The following SLC30A6 variants were observed in gnomAD, a reference collection of about 807,000 sequenced individuals.
SLC30A6 encodes zinc transporter 6.
A neutral mutation model predicts 63.0 loss-of-function variants in SLC30A6; 55 were observed. The ratio of observed to expected loss-of-function variants is 0.87; its 90% CI spans 0.70 to 1.09. The LOEUF (loss-of-function observed/expected upper bound fraction) is 1.09, where lower values mean the gene tolerates loss of function less well. SLC30A6 is among the 50% of genes least tolerant of loss of function. The probability of loss-of-function intolerance (pLI) is 0.00; values close to 1 mark genes in which losing one functional copy is unlikely to be tolerated. For missense variants in SLC30A6, 587 were observed against 549.2 expected (o/e 1.07, Z -0.69); for synonymous variants, 224 against 186.1 (o/e 1.20, Z -1.66).
chr2:32,217,975 C>T (rs192445143), intron 13 of SLC30A6, among the ~76,000 whole-genome samples: 1 of 152,154 alleles, frequency 6.6e-6, no homozygotes, highest in Admixed American at 6.5e-5. Context: ...AGCTGAGTAG[C>T]TGGCACTACA....
Position 32,220,509 on chromosome 2 carries a change from A to G in SLC30A6, c.1182A>G (p.Lys394=), listed in dbSNP as rs745457904. ...PPEFSFNTPG[K]NVNPVILLNT... is the part of the protein sequence containing the mutation. ...AATTTTCATTTAACACTCCTGGGAA[A>G]AATGTGAACCCAGTTATTCTTCTAA... Residue 394 remains lysine, a synonymous_variant, in exon 14 of 14, where the codon AAA becomes AAG. Transcript: ENST00000282587. 6.2e-7 allele frequency: 1 copy of G among 1,614,112 alleles called. No homozygotes were observed. The highest frequency in any genetic ancestry group is 1.3e-5 in the African/African-American group (1 of 74,934).
In SLC30A6 at chr2:32,220,420, A is replaced by G. The variant is rs1175247267; in HGVS notation, c.1093A>G (p.Lys365Glu). 3.7e-6 allele frequency: 6 copies of G among 1,614,212 alleles called. No individual in the cohort carries two copies. The highest frequency in any genetic ancestry group is 5.1e-6 in the Non-Finnish European group (6 of 1,180,024). ...DHHVIPMPLLKGTDDLNPVTS... is the reference protein window; with the variant it reads ...DHHVIPMPLLEGTDDLNPVTS... Reference sequence around the variant, plus strand: ...TCACGTAATCCCAATGCCTCTTTTAAAGGGTACTGATGATTTGAACCCAGT... The same window carrying G: ...TCACGTAATCCCAATGCCTCTTTTAGAGGGTACTGATGATTTGAACCCAGT... Residue 365 changes from lysine to glutamate, a missense_variant, in exon 14 of 14, where the codon AAG (lysine) becomes GAG (glutamate). Transcript: ENST00000282587.
rs147043090 is a variant in SLC30A6 at position 32,220,408 on chromosome 2, A to G, written c.1081A>G (p.Met361Val). The G allele has an allele frequency of 8.8e-5, 142 of 1,614,086 alleles. No homozygotes were observed. The Admixed American group carries it at 9.5e-4, about 11-fold the overall frequency. Reference sequence around the variant, plus strand: ...CTTTTCAGATCATCACGTAATCCCAATGCCTCTTTTAAAGGGTACTGATGA... The same window carrying G: ...CTTTTCAGATCATCACGTAATCCCAGTGCCTCTTTTAAAGGGTACTGATGA... Reference protein sequence around the residue: ...LNFSDHHVIPMPLLKGTDDLN... With the variant: ...LNFSDHHVIPVPLLKGTDDLN... Residue 361 changes from methionine (M) to valine (V), a missense_variant, in exon 14 of 14, where the codon ATG (methionine) becomes GTG (valine). By Grantham distance (21) the Met-to-Val change is conservative (BLOSUM62 1). Transcript: ENST00000282587.
intron 1 of SLC30A6, among the ~76,000 whole-genome samples, chr2:32,168,202 G>A (rs1024616490): frequency 2.6e-5 from 4 of 151,576 alleles, no homozygotes; most frequent in Non-Finnish European, 4.4e-5. Flanking sequence ...TACTTTCTTA[G>A]AAAATATAAA....
intron 13 of SLC30A6, among the ~76,000 whole-genome samples, chr2:32,211,316 T>C (rs1418427237): frequency 6.6e-6 from 1 of 152,248 alleles, no homozygotes; most frequent in East Asian, 1.9e-4. Context: ...AATTCTTGAA[T>C]GTTGAAAGCA....
chr2:32,171,394 A>T (rs929623459), intron 2 of SLC30A6, 21 bp downstream of exon 2: 3 of 1,571,216 alleles, frequency 1.9e-6, no homozygotes, highest in African/African-American at 2.7e-5. Context: ...CCTTAACCCC[A>T]ATTTTAATTA....
intron 5 of SLC30A6, among the ~76,000 whole-genome samples, chr2:32,191,984 T>C (rs772706740): frequency 6.6e-6 from 1 of 152,122 alleles, no homozygotes; most frequent in Non-Finnish European, 1.5e-5. Flanking sequence ...GTTATTATTA[T>C]GATTGTGATT....
chr2:32,174,334 T>C (rs760768530), intron 3 of SLC30A6, among the ~76,000 whole-genome samples, 187 bp downstream of exon 3: 2 of 151,450 alleles, frequency 1.3e-5, no homozygotes, highest in African/African-American at 2.4e-5. Context: ...AGGATTGTAA[T>C]TTTTTTTTAA....
chr2:32,193,375 G>T (rs144056581), intron 7 of SLC30A6, among the ~76,000 whole-genome samples: 5 of 152,018 alleles, frequency 3.3e-5, no homozygotes, highest in African/African-American at 1.2e-4. Context: ...AGGAGTTCAA[G>T]ACCAACCTGG....
chr2:32,173,430 G>C (rs2148803980), intron 2 of SLC30A6, among the ~76,000 whole-genome samples: 1 of 151,216 alleles, frequency 6.6e-6, no homozygotes, highest in Non-Finnish European at 1.5e-5. Context: ...CTGGAGTGCA[G>C]TGGCACAATC....
At chr2:32,205,659 C>CTTTTTTTTTTTTTTTTTTTTTTTT (rs1478767845) in intron 11 of SLC30A6, among the ~76,000 whole-genome samples, 1 of 97,702 alleles carries the variant, frequency 1.0e-5, no homozygotes, top group African/African-American at 3.9e-5. Flanking sequence ...AAGAATGTTA[C>CTTTTTTTTTTTTTTTTTTTTTTTT]TTCTTTTTTT....
Position 32,223,268 on chromosome 2 carries a change from A to T in SLC30A6, c.*2555A>T, listed in dbSNP as rs1210498419. Reference sequence around the variant, plus strand: ...TGAAGCTAGACAGAGAAAGAAGTTCAATTTAAATATTTGTCCCATTGTTTG... The same window carrying T: ...TGAAGCTAGACAGAGAAAGAAGTTCTATTTAAATATTTGTCCCATTGTTTG... On this transcript the variant is annotated 3_prime_UTR_variant, in exon 14 of 14. Transcript: ENST00000282587. The T allele has an allele frequency of 6.6e-6, 1 of 152,232 alleles. No homozygotes were observed. The allele number at this position is 152,232 out of a possible 1,614,324, so 9.4% of individuals were successfully genotyped here.
At chr2:32,177,419 T>C in intron 4 of SLC30A6, 1 of 184,160 alleles carries the variant, frequency 5.4e-6, no homozygotes, top group South Asian at 6.3e-5. Context: ...GCCTCCCAAG[T>C]AGCTGGGATT....
intron 2 of SLC30A6, among the ~76,000 whole-genome samples, chr2:32,172,325 A>G (rs1681304989): frequency 6.6e-6 from 1 of 151,878 alleles, no homozygotes; most frequent in Non-Finnish European, 1.5e-5. Flanking sequence ...CGTTATCCTC[A>G]TTTGCTTCCT....
At chr2:32,181,933 CTTTTT>C (rs34589397) in intron 4 of SLC30A6, among the ~76,000 whole-genome samples, 4 of 122,920 alleles carry the variant, frequency 3.3e-5, no homozygotes, top group African/African-American at 6.1e-5. Flanking sequence ...TTTTTCTTTT[CTTTTT>C]TTTTTTTTTT....
At position 32,203,617 on chromosome 2, in the gene SLC30A6, G is replaced by A. The variant is rs1684485040; in HGVS notation, c.666-973G>A. On this transcript the variant is annotated intron_variant, in intron 10 of 13. Transcript: ENST00000282587. ...ACAGGATGTCAGCTGTGCTTGGAAAGAACTTAACAGAAAGCTGAGTAGTAA... is the reference window on the plus strand; with the variant it reads ...ACAGGATGTCAGCTGTGCTTGGAAAAAACTTAACAGAAAGCTGAGTAGTAA... The A allele has an allele frequency of 1.9e-5, 30 of 1,584,860 alleles. No homozygotes were observed. The South Asian group carries it at 2.8e-4, about 15-fold the overall frequency.
chr2:32,171,848 A>G (rs975518554), intron 2 of SLC30A6, among the ~76,000 whole-genome samples: 3 of 151,974 alleles, frequency 2.0e-5, no homozygotes, highest in Non-Finnish European at 4.4e-5. Context: ...ATGGGCCACC[A>G]CGCCCGGCTA....
chr2:32,207,220 T>A (rs1376576948), intron 12 of SLC30A6, among the ~76,000 whole-genome samples: 1 of 152,014 alleles, frequency 6.6e-6, no homozygotes, highest in African/African-American at 2.4e-5. Flanking sequence ...GTTATTTAGT[T>A]ATTTTTTTTT....
At chr2:32,206,961 T>G (rs370420771) in intron 12 of SLC30A6, 28 bp downstream of exon 12, 38 of 1,542,458 alleles carry the variant, frequency 2.5e-5, no homozygotes, top group Non-Finnish European at 3.3e-5. Context: ...ATAAAATCAT[T>G]TTATTTTATA....
Sources: allele counts gnomAD v4.1 joint callset (sites outside exome capture counted in the v4.1 genomes callset), GRCh38; gene constraint gnomAD v4.1.1; transcripts MANE v1.5; gene names NCBI Gene and HGNC (gene_info 2026-07-23, HGNC 2026-07-21).